The following CSMD1 variants were observed in gnomAD, a reference collection of about 807,000 sequenced individuals.
CSMD1 encodes CUB and Sushi multiple domains 1.
CSMD1 carries 213 observed loss-of-function variants against 417.5 expected under a neutral mutation model. The ratio of observed to expected loss-of-function variants is 0.51; its 90% CI spans 0.46 to 0.57. The LOEUF is 0.57. Ranked by LOEUF, CSMD1 falls within the 20% of genes least tolerant of loss-of-function variation. CSMD1 has a pLI of 0.00. For synonymous variants in CSMD1, 2,862 were observed against 1,736.8 expected, an observed-to-expected ratio of 1.65 and a Z score of -16.11; for missense variants, 6,923 against 4,529.7, an observed-to-expected ratio of 1.53 and a Z score of -15.17.
intron 2 of CSMD1, among the ~76,000 whole-genome samples, chr8:4,426,589 G>C (rs189979054): frequency 0.013 from 1,762 of 137,780 alleles, 17 homozygotes; most frequent in Non-Finnish European, 0.02. Flanking sequence ...AGTATGTGCA[G>C]TATAGTATAT....
At chr8:4,093,965 A>G (rs928061218) in intron 3 of CSMD1, among the ~76,000 whole-genome samples, 6 of 136,954 alleles carry the variant, frequency 4.4e-5, no homozygotes, top group African/African-American at 1.1e-4. Flanking sequence ...CTACATCTCA[A>G]ATAGATAGAT....
chr8:3,429,656 T>G (rs1236047313), intron 12 of CSMD1, among the ~76,000 whole-genome samples: 2 of 152,230 alleles, frequency 1.3e-5, no homozygotes, highest in African/African-American at 2.4e-5. Context: ...CTCATCGAAT[T>G]GCACACTTTT....
chr8:3,936,413 T>G (rs1005197177), intron 5 of CSMD1, among the ~76,000 whole-genome samples: 1 of 152,130 alleles, frequency 6.6e-6, no homozygotes, highest in Middle Eastern at 3.2e-3. Flanking sequence ...CTTTAAAGCT[T>G]CAGAAGACAG....
chr8:3,431,128 T>G (rs1378785195), intron 12 of CSMD1, among the ~76,000 whole-genome samples: 4 of 152,092 alleles, frequency 2.6e-5, no homozygotes, highest in Admixed American at 6.6e-5. Context: ...ATGAATATGG[T>G]TAAAACACCA....
intron 2 of CSMD1, among the ~76,000 whole-genome samples, chr8:4,556,996 T>A (rs1798124721): frequency 6.6e-6 from 1 of 152,220 alleles, no homozygotes; most frequent in African/African-American, 2.4e-5. Flanking sequence ...ATTCTGAATT[T>A]CTAAAATTGA....
chr8:3,695,098 G>A (rs187984058), intron 7 of CSMD1, among the ~76,000 whole-genome samples: 221 of 151,618 alleles, frequency 1.5e-3, no homozygotes, highest in Non-Finnish European at 7.4e-4. Context: ...GTGTGTGTGT[G>A]TGTGTGTGTG....
chr8:4,388,905 C>G (rs542287305), intron 3 of CSMD1, among the ~76,000 whole-genome samples: 1 of 152,232 alleles, frequency 6.6e-6, no homozygotes, highest in African/African-American at 2.4e-5. Flanking sequence ...TCTCATCCAG[C>G]TATTTGTTCA....
At chr8:4,200,585 G>C (rs926249959) in intron 3 of CSMD1, among the ~76,000 whole-genome samples, 1 of 151,882 alleles carries the variant, frequency 6.6e-6, no homozygotes, top group South Asian at 2.1e-4. Context: ...TGGCGGGCCT[G>C]GAGGCTCATG....
chr8:4,183,350 G>C (rs1250827231), intron 3 of CSMD1, among the ~76,000 whole-genome samples: 2 of 152,126 alleles, frequency 1.3e-5, no homozygotes, highest in East Asian at 3.8e-4. Context: ...GATTACCACT[G>C]AAGTAATCTA....
At chr8:3,864,702 G>A (rs980925833) in intron 5 of CSMD1, among the ~76,000 whole-genome samples, 3 of 152,038 alleles carry the variant, frequency 2.0e-5, no homozygotes, top group African/African-American at 7.3e-5. Context: ...CTACTGGGAG[G>A]TTGGAACATT....
At chr8:4,441,709 T>G (rs988339969) in intron 2 of CSMD1, among the ~76,000 whole-genome samples, 6 of 152,162 alleles carry the variant, frequency 3.9e-5, no homozygotes, top group African/African-American at 1.2e-4. Flanking sequence ...TTAAAACGTT[T>G]GAGGTACAGG....
chr8:4,871,811 C>A (rs770006233), intron 1 of CSMD1, among the ~76,000 whole-genome samples: 10 of 152,050 alleles, frequency 6.6e-5, no homozygotes, highest in Admixed American at 6.5e-4. Context: ...AAAAACCTTT[C>A]CAGTAACATC....
intron 11 of CSMD1, among the ~76,000 whole-genome samples, chr8:3,469,365 A>T (rs1816956980): frequency 6.6e-6 from 1 of 152,242 alleles, no homozygotes; most frequent in African/African-American, 2.4e-5. Context: ...ATTATACATT[A>T]AGAGAATTTT....
At chr8:3,448,343 GGGAGGAAGGAAGAAGGAAGAAGGGA>G (rs1815447548) in intron 12 of CSMD1, among the ~76,000 whole-genome samples, 1 of 93,430 alleles carries the variant, frequency 1.1e-5, no homozygotes, top group Non-Finnish European at 2.1e-5. Context: ...GAGGGAGGGA[GGGAGGAAGGAAGAAGGAAGAAGGGA>G]GGAAGGGAGG....
At chr8:3,425,587 CAAA>C (rs5888966) in intron 12 of CSMD1, among the ~76,000 whole-genome samples, 6 of 97,526 alleles carry the variant, frequency 6.2e-5, no homozygotes, top group Admixed American at 1.2e-4. Flanking sequence ...GATTCGGTCT[CAAA>C]AAAAAAAAAA....
chr8:3,322,961 G>A (rs186964689), intron 23 of CSMD1, among the ~76,000 whole-genome samples: 65 of 152,090 alleles, frequency 4.3e-4, no homozygotes, highest in African/African-American at 1.5e-3. Context: ...GTTTTCCTAT[G>A]GAACTTAATG....
chr8:4,659,700 G>T (rs1804463718), intron 1 of CSMD1, among the ~76,000 whole-genome samples: 1 of 152,134 alleles, frequency 6.6e-6, no homozygotes, highest in Non-Finnish European at 1.5e-5. Context: ...ATGATAAACT[G>T]TTTCTCATAC....
At chr8:4,605,578 G>A (rs541103512) in intron 2 of CSMD1, among the ~76,000 whole-genome samples, 1 of 152,218 alleles carries the variant, frequency 6.6e-6, no homozygotes, top group African/African-American at 2.4e-5. Context: ...AAAGACTTTG[G>A]GAGGCAAAAT....
At chr8:4,048,724 T>C (rs988705696) in intron 3 of CSMD1, among the ~76,000 whole-genome samples, 1 of 152,202 alleles carries the variant, frequency 6.6e-6, no homozygotes, top group African/African-American at 2.4e-5. Flanking sequence ...TATTAATACA[T>C]ACATGTATAT....
Sources: allele counts gnomAD v4.1 joint callset (sites outside exome capture counted in the v4.1 genomes callset), GRCh38; gene constraint gnomAD v4.1.1; transcripts MANE v1.5; gene names NCBI Gene and HGNC (gene_info 2026-07-23, HGNC 2026-07-21).